Variants in PRKCG observed in about 807,000 individuals in gnomAD.
The protein encoded by PRKCG is protein kinase C gamma.
Under a neutral mutation model 82.0 loss-of-function variants are expected in PRKCG, and 28 were observed. The ratio of observed to expected loss-of-function variants is 0.34; its 90% CI spans 0.25 to 0.47. PRKCG has a LOEUF of 0.47. Ranked by LOEUF, PRKCG falls within the 20% of genes least tolerant of loss-of-function variation. The pLI, the probability that PRKCG is intolerant of heterozygous loss-of-function variation, is 1.00. For missense variants in PRKCG, 640 were observed against 952.7 expected (o/e 0.67, Z 4.32); for synonymous variants, 383 against 376.6 (o/e 1.02, Z -0.20).
Position 53,889,831 on chromosome 19 carries a change from G to A in PRKCG, c.398-55G>A, listed in dbSNP as rs922136419. ...AAATGCCCGGGATGGGGTGGGGGGT[G>A]GAGTCTTGGCTTGGGGGCGGGGCCT... On this transcript the variant is annotated intron_variant, in intron 4 of 17. Transcript: ENST00000263431. The surrounding 1 kb of genome is among the most constrained non-coding windows in gnomAD (Gnocchi z 4.4). 2 of 1,573,010 alleles carry A rather than the reference G, an allele frequency of 1.3e-6. No individual in the cohort carries two copies. Among genetic ancestry groups the A allele is most frequent in the Non-Finnish European group, 1.7e-6 (2 of 1,159,366 alleles).
At position 53,892,962 on chromosome 19, in the gene PRKCG, G is replaced by C; in HGVS notation, c.822-26G>C. The C allele has an allele frequency of 6.2e-7, 1 of 1,607,988 alleles. No homozygotes were observed. The stretch of plus-strand genomic sequence containing the variant: ...CATGGGTGCCCCATCCCCGCTGCCC[G>C]CCTCTGGTCTCCGTCTGTATGTCAG... On this transcript the variant is annotated intron_variant, in intron 7 of 17. Transcript: ENST00000263431. This position sits in a 1 kb window ranked among gnomAD's most constrained non-coding sequence, Gnocchi z 5.9.
At chr19:53,895,690 C>T (rs1008955398) in intron 9 of PRKCG, among the ~76,000 whole-genome samples, 3 of 152,162 alleles carry the variant, frequency 2.0e-5, no homozygotes, top group Non-Finnish European at 2.9e-5. Context: ...TACTCAGTGA[C>T]GATCTCTCTG....
intron 9 of PRKCG, among the ~76,000 whole-genome samples, chr19:53,897,348 C>CT (rs1261208150): frequency 1.3e-5 from 2 of 152,142 alleles, no homozygotes; most frequent in Non-Finnish European, 2.9e-5. Flanking sequence ...GGCCCCCTCC[C>CT]TGGGGGGCCG....
intron 15 of PRKCG, 115 bp from the exon 16 acceptor site, chr19:53,904,520 C>A: frequency 1.2e-6 from 1 of 807,144 alleles, no homozygotes; most frequent in Non-Finnish European, 2.1e-6. Flanking sequence ...GTCAGGTGTG[C>A]ATGTGGGGCG....
chr19:53,907,234 T>C lies in PRKCG; in HGVS notation c.*339T>C, dbSNP rs2068821047. On this transcript the variant is annotated 3_prime_UTR_variant, in exon 18 of 18. Transcript: ENST00000263431. ...GACTCCATCTTGGTAGTTCTGTGCC[T>C]CCCCCCAGACCCCGCCCCTGGGGAA... 1.5e-5 allele frequency: 6 copies of C among 394,636 alleles called. No homozygotes were observed. The highest frequency in any genetic ancestry group is 4.0e-5 in the Admixed American group (1 of 25,076). 24.4% of individuals were successfully genotyped at this position (394,636 alleles called of 1,614,324 possible).
At chr19:53,887,262 C>T (rs985475143) in intron 3 of PRKCG, among the ~76,000 whole-genome samples, 16 of 152,006 alleles carry the variant, frequency 1.1e-4, no homozygotes, top group African/African-American at 3.9e-4. Context: ...CTTTGGGAGA[C>T]CGAGGCGGGT....
At position 53,900,233 on chromosome 19, in the gene PRKCG, G is replaced by T; in HGVS notation, c.1282G>T (p.Asp428Tyr). 1 of 1,613,966 alleles carries T rather than the reference G, an allele frequency of 6.2e-7. No homozygotes were observed. Among genetic ancestry groups the T allele is most frequent in the Non-Finnish European group, 8.5e-7 (1 of 1,179,912 alleles). ...TQLHSTFQTP[D>Y]RLYFVMEYVT... ...TCTAAGCCCATGCACTTCTCCGCAG[G>T]ACCGCCTGTATTTCGTGATGGAGTA... Residue 428 changes from aspartate (D) to tyrosine (Y), a missense_variant and splice_region_variant, in exon 12 of 18, where the codon GAC (aspartate) becomes TAC (tyrosine). By Grantham distance (160) the Asp-to-Tyr change is radical. This residue lies in a region of PRKCG where 78 missense variants were observed against 105.6 expected (regional missense o/e 0.74). Coordinates refer to ENST00000263431, the MANE Select transcript of PRKCG (RefSeq NM_002739.5). The surrounding 1 kb of genome is among the most constrained non-coding windows in gnomAD (Gnocchi z 4.2).
chr19:53,891,149 G>A (rs1048967450), intron 5 of PRKCG, among the ~76,000 whole-genome samples: 1 of 152,156 alleles, frequency 6.6e-6, no homozygotes. Flanking sequence ...CCAAACTCTG[G>A]TTCCTAATGG....
At chr19:53,899,793 G>A (rs911015292) in intron 11 of PRKCG, among the ~76,000 whole-genome samples, 2 of 152,114 alleles carry the variant, frequency 1.3e-5, no homozygotes, top group African/African-American at 4.8e-5. Context: ...CGCCACGTTG[G>A]CCAGGCTGGT....
In PRKCG at chr19:53,889,196, C is replaced by T. The variant is rs1196668410; in HGVS notation, c.286-442C>T. ...CGGAACTCCTGAGCTCAAGGCAATC[C>T]GCCCACCTCGGCCTCCCAAAGTGCT... On this transcript the variant is annotated intron_variant, in intron 3 of 17. Coordinates refer to ENST00000263431, the MANE Select transcript of PRKCG (RefSeq NM_002739.5). This position sits in a 1 kb window ranked among gnomAD's most constrained non-coding sequence, Gnocchi z 4.4. Among the ~76,000 whole-genome samples, 11 of 152,172 alleles carry T rather than the reference C, an allele frequency of 7.2e-5. No individual in the cohort carries two copies. The highest frequency in any genetic ancestry group is 3.9e-4 in the East Asian group (2 of 5,174).
chr19:53,885,787 A>T (rs151204709), intron 3 of PRKCG, among the ~76,000 whole-genome samples: 1 of 152,148 alleles, frequency 6.6e-6, no homozygotes, highest in Non-Finnish European at 1.5e-5. Flanking sequence ...ATGTGACTTC[A>T]TAGAACATAT....
rs1320053638 is a variant in PRKCG, at chr19:53,883,849, CTGTT to C, written c.203-308_203-305del. 1.3e-5 allele frequency among the ~76,000 whole-genome samples: 2 copies of C among 152,196 alleles called. No individual in the cohort carries two copies. The highest frequency in any genetic ancestry group is 2.4e-5 in the African/African-American group (1 of 41,456). ...CTGATCTCCGTCCGTGGGCCTGTGTCTGTTTGTCAATGGGATCCTATTTTCTTTC... is the reference window on the plus strand; with the variant it reads ...CTGATCTCCGTCCGTGGGCCTGTGTCTGTCAATGGGATCCTATTTTCTTTC... On this transcript the variant is annotated intron_variant, in intron 2 of 17. Coordinates refer to ENST00000263431, the MANE Select transcript of PRKCG (RefSeq NM_002739.5). The surrounding 1 kb of genome is among the most constrained non-coding windows in gnomAD (Gnocchi z 5.4).
intron 3 of PRKCG, among the ~76,000 whole-genome samples, chr19:53,888,495 G>C (rs1421663970): frequency 6.6e-6 from 1 of 152,134 alleles, no homozygotes; most frequent in South Asian, 2.1e-4. Context: ...ACTTGACAGA[G>C]GAGGATGCTG....
In PRKCG at chr19:53,884,589, A is replaced by T. The variant is rs967498790; in HGVS notation, c.285+346A>T. 9.9e-5 allele frequency among the ~76,000 whole-genome samples: 15 copies of T among 152,138 alleles called. No homozygotes were observed. The highest frequency in any genetic ancestry group is 2.6e-4 in the Admixed American group (4 of 15,272). ...ATATCAGTGCAGGTGCGGAGATGCC[A>T]ACATAAGACAGAGGGAATCTCAGGG... On this transcript the variant is annotated intron_variant, in intron 3 of 17. Transcript: ENST00000263431. The surrounding 1 kb of genome is among the most constrained non-coding windows in gnomAD (Gnocchi z 4.6).
At chr19:53,888,233 C>A (rs994036656) in intron 3 of PRKCG, among the ~76,000 whole-genome samples, 2 of 152,158 alleles carry the variant, frequency 1.3e-5, no homozygotes, top group African/African-American at 4.8e-5. Context: ...ACTGCCAACA[C>A]CCTCCTCTAC....
At position 53,907,483 on chromosome 19, in the gene PRKCG, C is replaced by T. The variant is rs1350608355; in HGVS notation, c.*588C>T. 6.2e-6 allele frequency: 1 copy of T among 161,856 alleles called. No individual in the cohort carries two copies. The highest frequency in any genetic ancestry group is 1.8e-4 in the East Asian group (1 of 5,424). 10.0% of individuals were successfully genotyped at this position (161,856 alleles called of 1,614,324 possible). On this transcript the variant is annotated 3_prime_UTR_variant, in exon 18 of 18. Transcript: ENST00000263431. ...AGACTTCCCCATCCCGAAGCCATCA[C>T]TTCTCCCCGCAGCCCGCCTGCCGTG... is the stretch of plus-strand genomic sequence containing the variant.
Position 53,884,115 on chromosome 19 carries a change from G to T in PRKCG, c.203-46G>T. The T allele has an allele frequency of 6.3e-7, 1 of 1,591,504 alleles. No individual in the cohort carries two copies. The highest frequency in any genetic ancestry group is 1.7e-4 in the Middle Eastern group (1 of 6,012). On this transcript the variant is annotated intron_variant, in intron 2 of 17. Coordinates refer to ENST00000263431, the MANE Select transcript of PRKCG (RefSeq NM_002739.5). The surrounding 1 kb of genome is among the most constrained non-coding windows in gnomAD (Gnocchi z 4.6). ...TTCTGTCTGCTGGGGTCTCCCGCTG[G>T]ACTAATCCATGCCTCCGTCTGTGTC...
rs2068656249 is a variant in PRKCG at position 53,889,606 on chromosome 19, A to G, written c.286-32A>G. ...CCCCTGGGGTTTTAGGACCCTCCCA[A>G]CGCCCCCTAAGCCAGTCTTCTCTGC... On this transcript the variant is annotated intron_variant, in intron 3 of 17. Transcript: ENST00000263431. This position sits in a 1 kb window ranked among gnomAD's most constrained non-coding sequence, Gnocchi z 4.4. 2 of 1,574,030 alleles carry G rather than the reference A, an allele frequency of 1.3e-6. No homozygotes were observed. The highest frequency in any genetic ancestry group is 1.7e-5 in the Admixed American group (1 of 59,866).
At position 53,900,334 on chromosome 19, in the gene PRKCG, G is replaced by A. The variant is rs201061376; in HGVS notation, c.1373+10G>A. 34 of 1,613,862 alleles carry A rather than the reference G, an allele frequency of 2.1e-5. No homozygotes were observed. Among genetic ancestry groups the A allele is most frequent in the Middle Eastern group, 1.6e-4 (1 of 6,084 alleles). ...AGGAGCCCCATGCAGCGTGAGTCTC[G>A]GCCAACAGAGAATGGTCGGGGTGGT... On this transcript the variant is annotated intron_variant, in intron 12 of 17. Coordinates refer to ENST00000263431, the MANE Select transcript of PRKCG (RefSeq NM_002739.5). This position sits in a 1 kb window ranked among gnomAD's most constrained non-coding sequence, Gnocchi z 4.2.
Sources: allele counts gnomAD v4.1 joint callset (sites outside exome capture counted in the v4.1 genomes callset), GRCh38; gene constraint gnomAD v4.1.1; regional missense constraint gnomAD v4.1.1; non-coding constraint Gnocchi (gnomAD v3.1); transcripts MANE v1.5; gene names NCBI Gene and HGNC (gene_info 2026-07-23, HGNC 2026-07-21).